Variants in SLC5A10 observed in about 807,000 individuals in gnomAD.
SLC5A10 encodes the protein sodium/mannose cotransporter SLC5A10.
A neutral mutation model predicts 68.9 loss-of-function variants in SLC5A10; 55 were observed. The observed-to-expected ratio is 0.80, with a 90% CI of 0.64 to 1.00. SLC5A10 has a LOEUF of 1.00. Among genes scored for constraint, SLC5A10 ranks in the 50% least tolerant of loss-of-function variants. The probability of loss-of-function intolerance (pLI) is 0.00; values close to 1 mark genes in which losing one functional copy is unlikely to be tolerated. For missense variants in SLC5A10, 732 were observed against 819.3 expected, an observed-to-expected ratio of 0.89 and a Z score of 1.30; for synonymous variants, 344 against 344.8, an observed-to-expected ratio of 1.00 and a Z score of 0.02.
In SLC5A10 at chr17:19,013,505, C is replaced by A; in HGVS notation, c.1078C>A (p.Leu360Met). ...CGCCTACCCCAAGCTGGTCATGGAA[C>A]TGATGCCCATCGGTGAGGCTGTGTG... ...NIAYPKLVME[L>M]MPIGLRGLMI... The change falls in exon 10 of 15, where the codon CTG becomes ATG. Residue 360 changes from leucine (L) to methionine (M), a missense_variant. Leu to Met is a conservative substitution (Grantham distance 15, BLOSUM62 2). Transcript: ENST00000395645. The A allele has an allele frequency of 6.3e-7, 1 of 1,591,266 alleles. No individual in the cohort carries two copies. Among genetic ancestry groups the A allele is most frequent in the Non-Finnish European group, 8.6e-7 (1 of 1,168,634 alleles).
At chr17:18,987,427 C>T (rs904123882) in intron 9 of SLC5A10, among the ~76,000 whole-genome samples, 3 of 152,218 alleles carry the variant, frequency 2.0e-5, no homozygotes, top group East Asian at 1.9e-4. Flanking sequence ...TCATCACGCA[C>T]GCTCATCTGC....
At chr17:18,986,670 G>A (rs533598201) in intron 9 of SLC5A10, among the ~76,000 whole-genome samples, 87 of 152,360 alleles carry the variant, frequency 5.7e-4, no homozygotes, top group African/African-American at 1.5e-3. Flanking sequence ...GGAAGGCGAG[G>A]CCTCTGGAGT....
At chr17:19,001,901 G>A (rs532316084) in intron 9 of SLC5A10, among the ~76,000 whole-genome samples, 1 of 152,308 alleles carries the variant, frequency 6.6e-6, no homozygotes, top group Non-Finnish European at 1.5e-5. Flanking sequence ...CCTTGGCACA[G>A]CAGGTCCCCC....
intron 1 of SLC5A10, 80 bp downstream of exon 1, chr17:18,952,396 C>A: frequency 6.7e-7 from 1 of 1,500,754 alleles, no homozygotes; most frequent in Non-Finnish European, 9.0e-7. Context: ...CCAGCATGTC[C>A]CTGTGGTGTC....
intron 9 of SLC5A10, among the ~76,000 whole-genome samples, chr17:18,982,968 C>A (rs77283946): frequency 0.084 from 12,845 of 152,288 alleles, 1,150 homozygotes; most frequent in African/African-American, 0.23. Flanking sequence ...ACAGGTGGGG[C>A]CCTCCCAGGG....
Position 19,022,391 on chromosome 17 carries a change from ACAATAGGG to A in SLC5A10, c.*1962_*1969del, listed in dbSNP as rs1018003999. 5.2e-6 allele frequency: 2 copies of A among 388,288 alleles called. No individual in the cohort carries two copies. The highest frequency in any genetic ancestry group is 4.1e-5 in the African/African-American group (2 of 48,392). The allele number at this position is 388,288 out of a possible 1,614,324, so 24.1% of individuals were successfully genotyped here. A position where few individuals can be genotyped will look rare whatever the true frequency, so the allele number is the denominator to read the frequency against. On this transcript the variant is annotated 3_prime_UTR_variant, in exon 15 of 15. Transcript: ENST00000395645. ...CGGCTTTCCCAGCCGCCCAGCTGGG[ACAATAGGG>A]CTGGTGGGTCAGGGGACCTGAGTCC...
chr17:18,988,165 C>A (rs895838773), intron 9 of SLC5A10: 2 of 1,547,936 alleles, frequency 1.3e-6, no homozygotes, highest in Non-Finnish European at 1.7e-6. Context: ...CCGTCCAGAG[C>A]AGGCAGGTAC....
chr17:18,958,686 CT>C lies in SLC5A10; in HGVS notation c.118del (p.Cys40ValfsTer8). On this transcript the variant is annotated frameshift_variant, in exon 2 of 15. Coordinates refer to ENST00000395645, the MANE Select transcript of SLC5A10 (RefSeq NM_001042450.4). LOFTEE classifies it high-confidence loss of function. ...ALNVAVGIWS[S>X]CRASRNTVNG... ...GTCCCTTTTCTCCTCTTGCAGTCCTCTTGTCGGGCCAGTAGGAACACGGTGA... is the reference window on the plus strand; with the variant it reads ...GTCCCTTTTCTCCTCTTGCAGTCCTCTGTCGGGCCAGTAGGAACACGGTGA... The C allele has an allele frequency of 6.2e-7, 1 of 1,614,208 alleles. No individual in the cohort carries two copies. The highest frequency in any genetic ancestry group is 2.2e-5 in the East Asian group (1 of 44,886).
rs34638037 is a variant in SLC5A10, at chr17:18,953,128, C to CTTT, written c.111+831_111+833dup. ...CTCCTGGGGAGAATGAGTACCCCTT[C>CTTT]TTTTTTTTTTTTTTTTTTTTTAACT... is the stretch of plus-strand genomic sequence containing the variant. On this transcript the variant is annotated intron_variant, in intron 1 of 14. Transcript: ENST00000395645. 7.9e-4 allele frequency among the ~76,000 whole-genome samples: 99 copies of CTTT among 125,226 alleles called. 1 individual carries two copies. Among genetic ancestry groups the CTTT allele is most frequent in the Non-Finnish European group, 1.2e-3 (73 of 60,594 alleles). 82.2% of individuals were successfully genotyped at this position (125,226 alleles called of 152,430 possible). A position where few individuals can be genotyped will look rare whatever the true frequency, so the allele number is the denominator to read the frequency against.
At chr17:18,978,119 A>C in intron 9 of SLC5A10, 1 of 1,518,296 alleles carries the variant, frequency 6.6e-7, no homozygotes, top group Non-Finnish European at 8.8e-7. Context: ...GTCCCGGGCT[A>C]GTACATCTGC....
chr17:19,019,802 G>T lies in SLC5A10; in HGVS notation c.1500G>T (p.Glu500Asp). 6.2e-7 allele frequency: 1 copy of T among 1,613,358 alleles called. No homozygotes were observed. Among genetic ancestry groups the T allele is most frequent in the South Asian group, 1.1e-5 (1 of 91,026 alleles). Reference protein sequence around the residue: ...EFLNPAPPCGEPDTRPAVLGS... With the variant: ...EFLNPAPPCGDPDTRPAVLGS... ...TGAACCCAGCCCCACCGTGCGGAGAGCCAGACACGCGGCCAGCCGTCCTGG... is the reference window on the plus strand; with the variant it reads ...TGAACCCAGCCCCACCGTGCGGAGATCCAGACACGCGGCCAGCCGTCCTGG... The change falls in exon 13 of 15, where the codon GAG (glutamate) becomes GAT (aspartate). Residue 500 changes from glutamate (E) to aspartate (D), a missense_variant. Physicochemically the swap from Glu to Asp is conservative, Grantham distance 45. Coordinates refer to ENST00000395645, the MANE Select transcript of SLC5A10 (RefSeq NM_001042450.4).
Position 19,021,757 on chromosome 17 carries a change from C to CTACCCTTGCTGGG in SLC5A10, c.*1340_*1352dup, listed in dbSNP as rs946870235. 4.6e-6 allele frequency: 2 copies of CTACCCTTGCTGGG among 435,834 alleles called. No homozygotes were observed. Among genetic ancestry groups the CTACCCTTGCTGGG allele is most frequent in the East Asian group, 7.1e-5 (2 of 28,240 alleles). 27.0% of individuals were successfully genotyped at this position (435,834 alleles called of 1,614,324 possible). A position where few individuals can be genotyped will look rare whatever the true frequency, so the allele number is the denominator to read the frequency against. ...AGCAACCAGCCAGGAAGCCCCGGAG[C>CTACCCTTGCTGGG]TACCCTTGCTGGGTACCCTTGCTGG... On this transcript the variant is annotated 3_prime_UTR_variant, in exon 15 of 15. Transcript: ENST00000395645. This position sits in a 1 kb window ranked among gnomAD's most constrained non-coding sequence, Gnocchi z 4.1.
chr17:19,018,294 G>A lies in SLC5A10; in HGVS notation c.1242-1129G>A, dbSNP rs1045475387. 1 of 152,400 alleles carries A rather than the reference G, an allele frequency of 6.6e-6. No individual in the cohort carries two copies. Among genetic ancestry groups the A allele is most frequent in the African/African-American group, 2.4e-5 (1 of 41,452 alleles). The allele number at this position is 152,400 out of a possible 1,614,324, so 9.4% of individuals were successfully genotyped here. A position where few individuals can be genotyped will look rare whatever the true frequency, so the allele number is the denominator to read the frequency against. On this transcript the variant is annotated intron_variant, in intron 11 of 14. Transcript: ENST00000395645. The surrounding 1 kb of genome is among the most constrained non-coding windows in gnomAD (Gnocchi z 4.2). ...GGAATGCCAACTGACCCAGGACACA[G>A]GGGTGAGGTGCTCAGCCAGGGAGGA...
At chr17:18,961,455 C>A (rs2042612486) in intron 5 of SLC5A10, among the ~76,000 whole-genome samples, 1 of 152,096 alleles carries the variant, frequency 6.6e-6, no homozygotes, top group African/African-American at 2.4e-5. Flanking sequence ...GGGCGGCAGA[C>A]CTTGTCTCCT....
intron 9 of SLC5A10, chr17:18,978,376 A>T: frequency 6.3e-7 from 1 of 1,593,670 alleles, no homozygotes; most frequent in Non-Finnish European, 8.5e-7. Context: ...GGTCGATGAT[A>T]TTGATGTAGC....
intron 9 of SLC5A10, among the ~76,000 whole-genome samples, chr17:18,980,867 C>G (rs1418782752): frequency 6.6e-6 from 1 of 152,152 alleles, no homozygotes; most frequent in Non-Finnish European, 1.5e-5. Context: ...GTTTTAACAC[C>G]CACTCCAGGG....
At chr17:19,009,593 C>T (rs2043971762) in intron 9 of SLC5A10, among the ~76,000 whole-genome samples, 1 of 152,202 alleles carries the variant, frequency 6.6e-6, no homozygotes, top group Admixed American at 6.5e-5. Context: ...TCTGGACTGG[C>T]TCCCGAGAAT....
At chr17:18,957,622 C>T (rs8064437) in intron 1 of SLC5A10, among the ~76,000 whole-genome samples, 4 of 152,048 alleles carry the variant, frequency 2.6e-5, no homozygotes, top group East Asian at 1.9e-4. Flanking sequence ...CCTGCCACCA[C>T]GCCCAGCTAA....
chr17:18,981,923 T>C (rs995833591), intron 9 of SLC5A10, among the ~76,000 whole-genome samples: 7 of 152,162 alleles, frequency 4.6e-5, no homozygotes, highest in African/African-American at 1.7e-4. Context: ...GTACGAGGCC[T>C]TCCCTGTCAC....
Sources: gnomAD v4.1 joint callset for allele counts (sites outside exome capture counted in the v4.1 genomes callset) on GRCh38, gnomAD v4.1.1 for gene constraint, Gnocchi (gnomAD v3.1) non-coding constraint, MANE v1.5 for transcripts, NCBI Gene and HGNC (gene_info 2026-07-23, HGNC 2026-07-21) for gene names.